Variants in GCNT2 observed in about 807,000 individuals in gnomAD.
GCNT2 encodes the protein N-acetyllactosaminide beta-1,6-N-acetylglucosaminyl-transferase.
GCNT2 carries 34 observed loss-of-function variants against 34.2 expected under a neutral mutation model. The ratio of observed to expected loss-of-function variants is 1.00; its 90% CI spans 0.76 to 1.32. The LOEUF is 1.32. Ranked by LOEUF, GCNT2 falls within the 40% of genes most tolerant of loss-of-function variation. GCNT2 has a pLI of 0.00. For missense variants in GCNT2, 584 were observed against 489.4 expected (o/e 1.19, Z -1.82); for synonymous variants, 212 against 188.0 (o/e 1.13, Z -1.04).
intron 1 of GCNT2, among the ~76,000 whole-genome samples, chr6:10,523,780 G>A (rs1041747911): frequency 6.6e-6 from 1 of 151,968 alleles, no homozygotes; most frequent in Non-Finnish European, 1.5e-5. Context: ...AGACCATCCT[G>A]GCTAACACGG....
chr6:10,523,132 G>A (rs1161862207), intron 1 of GCNT2, among the ~76,000 whole-genome samples: 1 of 152,176 alleles, frequency 6.6e-6, no homozygotes, highest in East Asian at 1.9e-4. Flanking sequence ...GAAAAGACCA[G>A]CTTTCAGCCA....
intron 3 of GCNT2, among the ~76,000 whole-genome samples, chr6:10,584,234 T>C (rs515969): frequency 0.017 from 2,583 of 152,246 alleles, 61 homozygotes; most frequent in African/African-American, 0.057. Flanking sequence ...GTGTCATAAA[T>C]AAGTTTAAGG....
Position 10,582,804 on chromosome 6 carries a change from AAACAAC to A in GCNT2, c.926-38535_926-38530del, listed in dbSNP as rs145403030. Among the ~76,000 whole-genome samples, 431 of 151,140 alleles carry A rather than the reference AAACAAC, an allele frequency of 2.9e-3. 4 individuals carry two copies. Among genetic ancestry groups the A allele is most frequent in the African/African-American group, 0.01 (410 of 40,920 alleles). On this transcript the variant is annotated intron_variant, in intron 3 of 4. Coordinates refer to ENST00000495262, the MANE Select transcript of GCNT2 (RefSeq NM_145649.5). ...AAGTGTTGGATATTTTCCAAAAGAG[AAACAAC>A]AACAACAACAATCATAGCTAATGCT...
At chr6:10,531,490 C>T (rs1761485766) in intron 3 of GCNT2, among the ~76,000 whole-genome samples, 1 of 152,134 alleles carries the variant, frequency 6.6e-6, no homozygotes, top group Admixed American at 6.6e-5. Context: ...TGGGGCAAGA[C>T]CTAACTATTG....
At chr6:10,556,905 G>A (rs1266125992) in intron 3 of GCNT2, 4 of 1,614,050 alleles carry the variant, frequency 2.5e-6, no homozygotes, top group Non-Finnish European at 3.4e-6. Context: ...GTCTATGGAG[G>A]GATCTCCAGG....
intron 3 of GCNT2, among the ~76,000 whole-genome samples, chr6:10,601,426 CAT>C (rs1765081505): frequency 6.6e-6 from 1 of 152,082 alleles, no homozygotes; most frequent in African/African-American, 2.4e-5. Context: ...GTGACAGACT[CAT>C]AAAAGTTGCC....
intron 3 of GCNT2, among the ~76,000 whole-genome samples, chr6:10,571,488 G>T (rs887377890): frequency 6.6e-6 from 1 of 152,056 alleles, no homozygotes; most frequent in Non-Finnish European, 1.5e-5. Flanking sequence ...GAGTAACTAG[G>T]ATTACAGGCG....
rs528366032 is a variant in GCNT2 at position 10,592,729 on chromosome 6, A to ATTTG, written c.926-28602_926-28599dup. Among the ~76,000 whole-genome samples, 548 of 152,088 alleles carry ATTTG rather than the reference A, an allele frequency of 3.6e-3. 3 individuals carry two copies. The highest frequency in any genetic ancestry group is 0.011 in the African/African-American group (438 of 41,454). ...ACTCTTAATGAGCTCTTTTATTTTTATTTGTTTGTTTGTTTGTTTGTTTAT... is the reference window on the plus strand; with the variant it reads ...ACTCTTAATGAGCTCTTTTATTTTTATTTGTTTGTTTGTTTGTTTGTTTGTTTAT... On this transcript the variant is annotated intron_variant, in intron 3 of 4. Transcript: ENST00000495262.
intron 3 of GCNT2, among the ~76,000 whole-genome samples, chr6:10,609,773 T>C (rs533373462): frequency 6.7e-6 from 1 of 148,178 alleles, no homozygotes; most frequent in South Asian, 2.1e-4. Flanking sequence ...AGCATGAAGC[T>C]GGGTCCAGGG....
chr6:10,554,929 G>A (rs1018440823), intron 3 of GCNT2, among the ~76,000 whole-genome samples: 2 of 152,220 alleles, frequency 1.3e-5, no homozygotes, highest in African/African-American at 4.8e-5. Context: ...AAGCGACAGT[G>A]TGCTCAGGAA....
At chr6:10,557,594 C>T (rs184413303) in intron 3 of GCNT2, among the ~76,000 whole-genome samples, 1 of 151,850 alleles carries the variant, frequency 6.6e-6, no homozygotes, top group Non-Finnish European at 1.5e-5. Context: ...CTCCAGCAAT[C>T]CTCCCACTTC....
At chr6:10,539,253 G>A (rs923401297) in intron 3 of GCNT2, among the ~76,000 whole-genome samples, 5 of 140,674 alleles carry the variant, frequency 3.6e-5, no homozygotes, top group South Asian at 4.5e-4. Context: ...GCAGTGGTGC[G>A]ATCTCGGCCC....
intron 3 of GCNT2, among the ~76,000 whole-genome samples, chr6:10,588,917 T>C (rs916521982): frequency 8.0e-6 from 1 of 125,480 alleles, no homozygotes; most frequent in South Asian, 2.7e-4. Flanking sequence ...GTGTGTGTAG[T>C]GTGTGGTGTG....
intron 3 of GCNT2, among the ~76,000 whole-genome samples, chr6:10,547,495 G>A (rs1175283570): frequency 6.6e-6 from 1 of 152,150 alleles, no homozygotes; most frequent in Non-Finnish European, 1.5e-5. Flanking sequence ...GATTTCTCAT[G>A]ATTAAATTTA....
intron 3 of GCNT2, among the ~76,000 whole-genome samples, chr6:10,562,662 A>AC (rs988064987): frequency 1.3e-5 from 2 of 150,932 alleles, no homozygotes; most frequent in African/African-American, 4.9e-5. Context: ...CTCTGAAAAA[A>AC]AAAAAAAAAA....
chr6:10,575,357 CA>C (rs1315672210), intron 3 of GCNT2: 4 of 156,764 alleles, frequency 2.6e-5, no homozygotes, highest in South Asian at 1.8e-4. Flanking sequence ...GCTGGGTTGA[CA>C]TTTTTTTTTT....
intron 3 of GCNT2, among the ~76,000 whole-genome samples, chr6:10,600,855 A>G (rs1042747510): frequency 8.6e-5 from 13 of 151,892 alleles, no homozygotes; most frequent in African/African-American, 3.1e-4. Context: ...CAGTGGTGCA[A>G]TCTTGGCTTA....
chr6:10,574,907 G>A (rs934634109), intron 3 of GCNT2: 7 of 701,500 alleles, frequency 1.0e-5, no homozygotes, highest in Admixed American at 1.9e-5. Context: ...TTCTTCAAGC[G>A]TTTCAGGAAG....
At chr6:10,570,719 A>G (rs932964481) in intron 3 of GCNT2, among the ~76,000 whole-genome samples, 1 of 152,208 alleles carries the variant, frequency 6.6e-6, no homozygotes, top group Non-Finnish European at 1.5e-5. Context: ...CTCCTGCCTT[A>G]GAGTCCAAAT....
Sources: allele counts gnomAD v4.1 joint callset (sites outside exome capture counted in the v4.1 genomes callset), GRCh38; gene constraint gnomAD v4.1.1; transcripts MANE v1.5; gene names NCBI Gene and HGNC (gene_info 2026-07-23, HGNC 2026-07-21).